The following CHRM3 variants were observed in gnomAD, a reference collection of about 807,000 sequenced individuals.
The protein encoded by CHRM3 is cholinergic receptor muscarinic 3.
In CHRM3, 11 loss-of-function variants were observed where a neutral mutation model predicts 41.8. That is an observed-to-expected ratio of 0.26 (90% CI 0.17 to 0.44). The LOEUF is 0.44. Ranked by LOEUF, CHRM3 falls within the 20% of genes least tolerant of loss-of-function variation. CHRM3 has a pLI of 1.00. For synonymous variants in CHRM3, 297 were observed against 301.4 expected, an observed-to-expected ratio of 0.99 and a Z score of 0.15; for missense variants, 571 against 745.4, an observed-to-expected ratio of 0.77 and a Z score of 2.72.
chr1:239,421,483 C>G (rs1661949489), intron 1 of CHRM3, among the ~76,000 whole-genome samples: 2 of 152,094 alleles, frequency 1.3e-5, no homozygotes, highest in Admixed American at 1.3e-4. Context: ...AAATATTTAT[C>G]ACATAATTAC....
chr1:239,781,184 A>G (rs1361160402), intron 5 of CHRM3, among the ~76,000 whole-genome samples: 3 of 152,100 alleles, frequency 2.0e-5, no homozygotes, highest in Non-Finnish European at 1.5e-5. Context: ...GAATCTAGAA[A>G]TCAAATGAGG....
chr1:239,824,556 A>G (rs1672308206), intron 5 of CHRM3, among the ~76,000 whole-genome samples: 1 of 152,244 alleles, frequency 6.6e-6, no homozygotes, highest in Non-Finnish European at 1.5e-5. Flanking sequence ...GGGGAAAAGC[A>G]GTCTAAAACA....
intron 1 of CHRM3, among the ~76,000 whole-genome samples, chr1:239,401,484 C>G (rs1659967987): frequency 6.6e-6 from 1 of 151,822 alleles, no homozygotes; most frequent in South Asian, 2.1e-4. Flanking sequence ...AAATTCTTCT[C>G]TCTCTTTTTT....
At chr1:239,663,527 AAATT>A (rs1275294841) in intron 4 of CHRM3, among the ~76,000 whole-genome samples, 1 of 152,178 alleles carries the variant, frequency 6.6e-6, no homozygotes, top group Non-Finnish European at 1.5e-5. Flanking sequence ...ACACACTAGT[AAATT>A]AATTTGTAGT....
At chr1:239,389,426 G>T (rs1203887436) in intron 1 of CHRM3, among the ~76,000 whole-genome samples, 2 of 152,162 alleles carry the variant, frequency 1.3e-5, no homozygotes, top group Non-Finnish European at 2.9e-5. Flanking sequence ...TTAGGCATGT[G>T]TAAAAGTTCT....
intron 2 of CHRM3, among the ~76,000 whole-genome samples, chr1:239,513,757 T>G (rs1669077406): frequency 6.6e-6 from 1 of 152,228 alleles, no homozygotes; most frequent in Non-Finnish European, 1.5e-5. Flanking sequence ...TTACATAGTT[T>G]TATATTTTAT....
intron 5 of CHRM3, among the ~76,000 whole-genome samples, chr1:239,721,682 C>A (rs1286092773): frequency 6.6e-6 from 1 of 151,796 alleles, no homozygotes; most frequent in Non-Finnish European, 1.5e-5. Context: ...TTAATTCCTA[C>A]ACAGAAAATT....
At position 239,909,132 on chromosome 1, in the gene CHRM3, T is replaced by G; in HGVS notation, c.1681T>G (p.Cys561Gly). ...AACCACTTTCAAGATGCTGCTGCTG[T>G]GCCAGTGTGACAAAAAAAAGAGGCG... is the stretch of plus-strand genomic sequence containing the variant. ...FRTTFKMLLLCQCDKKKRRKQ... is the reference protein window; with the variant it reads ...FRTTFKMLLLGQCDKKKRRKQ... Residue 561 changes from cysteine to glycine, a missense_variant, in exon 7 of 7, where the codon TGC becomes GGC. Physicochemically the swap from Cys to Gly is radical, Grantham distance 159. This residue lies in a region of CHRM3 where 44 missense variants were observed against 39.7 expected (regional missense o/e 1.11). Coordinates refer to ENST00000676153, the MANE Select transcript of CHRM3 (RefSeq NM_001375978.1). 6.2e-7 allele frequency: 1 copy of G among 1,614,060 alleles called. No homozygotes were observed. Among genetic ancestry groups the G allele is most frequent in the Non-Finnish European group, 8.5e-7 (1 of 1,180,014 alleles).
chr1:239,760,005 C>G (rs991896510), intron 5 of CHRM3, among the ~76,000 whole-genome samples: 7 of 152,052 alleles, frequency 4.6e-5, no homozygotes, highest in Admixed American at 2.0e-4. Context: ...AGCTCTGCCT[C>G]CCGGGTTCAC....
intron 6 of CHRM3, among the ~76,000 whole-genome samples, chr1:239,871,801 G>A (rs1294011337): frequency 6.6e-6 from 1 of 152,124 alleles, no homozygotes; most frequent in Non-Finnish European, 1.5e-5. Context: ...CTTAACCTGG[G>A]ATAGTTTCTC....
At chr1:239,433,370 GC>G (rs1662978603) in intron 1 of CHRM3, among the ~76,000 whole-genome samples, 1 of 152,170 alleles carries the variant, frequency 6.6e-6, no homozygotes. Flanking sequence ...ATTCAGCCAT[GC>G]CACGACTGTC....
Position 239,387,452 on chromosome 1 carries a change from G to A in CHRM3, c.-521+225G>A, listed in dbSNP as rs1658618230. On this transcript the variant is annotated intron_variant, in intron 1 of 6. Transcript: ENST00000676153. This position sits in a 1 kb window ranked among gnomAD's most constrained non-coding sequence, Gnocchi z 5.1. The stretch of plus-strand genomic sequence containing the variant: ...TTCCGACAGCGCGATCTGGTGCGGA[G>A]TTGGAGTTCTGGGACTGAGGGTGGG... Among the ~76,000 whole-genome samples, 1 of 152,134 alleles carries A rather than the reference G, an allele frequency of 6.6e-6. No individual in the cohort carries two copies. Among genetic ancestry groups the A allele is most frequent in the Non-Finnish European group, 1.5e-5 (1 of 68,028 alleles).
intron 5 of CHRM3, among the ~76,000 whole-genome samples, chr1:239,684,928 C>T (rs571770325): frequency 1.4e-3 from 208 of 152,048 alleles, no homozygotes; most frequent in African/African-American, 4.8e-3. Context: ...ACCAAAAGCA[C>T]CTGTGTGAGG....
At chr1:239,845,444 C>T (rs1041082112) in intron 6 of CHRM3, among the ~76,000 whole-genome samples, 1 of 152,084 alleles carries the variant, frequency 6.6e-6, no homozygotes, top group African/African-American at 2.4e-5. Context: ...CAACCTAGTC[C>T]TGCTGGGCCT....
rs1328504314 is a variant in CHRM3 at position 239,687,707 on chromosome 1, C to CCATAACATA, written c.-147+9420_-147+9428dup. 7.9e-5 allele frequency among the ~76,000 whole-genome samples: 12 copies of CCATAACATA among 152,162 alleles called. No individual in the cohort carries two copies. The East Asian group carries it at 2.3e-3, about 29-fold the overall frequency. ...GGCAGACCACAATAGAACAGTGCTCCCATAACATAATAACTACTGTTTCTA... is the reference window on the plus strand; with the variant it reads ...GGCAGACCACAATAGAACAGTGCTCCCATAACATACATAACATAATAACTACTGTTTCTA... On this transcript the variant is annotated intron_variant, in intron 5 of 6. Coordinates refer to ENST00000676153, the MANE Select transcript of CHRM3 (RefSeq NM_001375978.1).
chr1:239,773,927 A>G (rs144919820), intron 5 of CHRM3, among the ~76,000 whole-genome samples: 2 of 151,884 alleles, frequency 1.3e-5, no homozygotes, highest in Non-Finnish European at 2.9e-5. Context: ...TTGGCAGGTA[A>G]TTAGATTTAG....
chr1:239,643,830 T>G (rs1425357713), intron 4 of CHRM3, among the ~76,000 whole-genome samples: 4 of 152,062 alleles, frequency 2.6e-5, no homozygotes, highest in African/African-American at 9.7e-5. Flanking sequence ...GGACCTCAGG[T>G]GGAAATGCAG....
chr1:239,693,671 G>C (rs764973564), intron 5 of CHRM3, among the ~76,000 whole-genome samples: 8 of 152,180 alleles, frequency 5.3e-5, no homozygotes, highest in Non-Finnish European at 1.2e-4. Context: ...TCTCTGTAGA[G>C]GTGAGAAGTG....
At chr1:239,863,346 C>T (rs1346937668) in intron 6 of CHRM3, among the ~76,000 whole-genome samples, 1 of 152,186 alleles carries the variant, frequency 6.6e-6, no homozygotes, top group Non-Finnish European at 1.5e-5. Flanking sequence ...AGTGACGCAG[C>T]CGTCACCTTA....
Sources: allele counts gnomAD v4.1 joint callset (sites outside exome capture counted in the v4.1 genomes callset), GRCh38; gene constraint gnomAD v4.1.1; regional missense constraint gnomAD v4.1.1; non-coding constraint Gnocchi (gnomAD v3.1); transcripts MANE v1.5; gene names NCBI Gene and HGNC (gene_info 2026-07-23, HGNC 2026-07-21).